Variants in SULT2B1 observed in about 807,000 individuals in gnomAD.
The protein encoded by SULT2B1 is sulfotransferase family 2B member 1, also known as sulfotransferase 2B1.
Under a neutral mutation model 33.2 loss-of-function variants are expected in SULT2B1, and 16 were observed. The ratio of observed to expected loss-of-function variants is 0.48; its 90% CI spans 0.33 to 0.73. SULT2B1 has a LOEUF of 0.73. Ranked by LOEUF, SULT2B1 falls within the 30% of genes least tolerant of loss-of-function variation. The pLI, the probability that SULT2B1 is intolerant of heterozygous loss-of-function variation, is 0.02. For synonymous variants in SULT2B1, 186 were observed against 200.5 expected, an observed-to-expected ratio of 0.93 and a Z score of 0.61; for missense variants, 500 against 506.0, an observed-to-expected ratio of 0.99 and a Z score of 0.11.
intron 3 of SULT2B1, among the ~76,000 whole-genome samples, chr19:48,590,919 G>A (rs751761144): frequency 9.9e-5 from 15 of 151,756 alleles, no homozygotes; most frequent in Non-Finnish European, 7.4e-5. Flanking sequence ...CTGCAGCCTC[G>A]ACCTCCCGGG....
intron 1 of SULT2B1, among the ~76,000 whole-genome samples, chr19:48,562,675 CTTTA>C (rs928042784): frequency 1.7e-4 from 26 of 151,760 alleles, no homozygotes; most frequent in South Asian, 4.2e-4. Context: ...TTTATATAGA[CTTTA>C]TTTATTTATT....
intron 5 of SULT2B1, among the ~76,000 whole-genome samples, chr19:48,594,589 G>C (rs1973685932): frequency 6.6e-6 from 1 of 152,220 alleles, no homozygotes; most frequent in Admixed American, 6.5e-5. Flanking sequence ...CCACATGTTA[G>C]AATTTCTGGG....
chr19:48,561,152 C>G (rs114504712), intron 1 of SULT2B1, among the ~76,000 whole-genome samples: 1 of 143,708 alleles, frequency 7.0e-6, no homozygotes, highest in Non-Finnish European at 1.5e-5. Context: ...AATTCGGGCC[C>G]GGTGTGGTGG....
At chr19:48,578,221 GAA>G (rs1973439885) in intron 2 of SULT2B1, among the ~76,000 whole-genome samples, 2 of 151,938 alleles carry the variant, frequency 1.3e-5, no homozygotes, top group African/African-American at 4.8e-5. Context: ...TCAACAAATA[GAA>G]AAAGGTACAA....
intron 1 of SULT2B1, among the ~76,000 whole-genome samples, chr19:48,553,598 C>T (rs11880900): frequency 6.6e-6 from 1 of 152,004 alleles, no homozygotes; most frequent in Non-Finnish European, 1.5e-5. Flanking sequence ...CAGGCGTGGG[C>T]CACCACGCCT....
At chr19:48,562,255 G>T (rs1568403475) in intron 1 of SULT2B1, among the ~76,000 whole-genome samples, 1 of 152,140 alleles carries the variant, frequency 6.6e-6, no homozygotes, top group Non-Finnish European at 1.5e-5. Context: ...AGGCGTGGTG[G>T]CACATGCCTG....
intron 6 of SULT2B1, among the ~76,000 whole-genome samples, chr19:48,598,507 G>A (rs946347404): frequency 2.6e-5 from 4 of 151,978 alleles, no homozygotes; most frequent in African/African-American, 9.7e-5. Flanking sequence ...CAGGAGAATC[G>A]CTTGAATCGG....
At chr19:48,598,303 A>G (rs2147633199) in intron 6 of SULT2B1, among the ~76,000 whole-genome samples, 2 of 152,184 alleles carry the variant, frequency 1.3e-5, no homozygotes, top group South Asian at 4.1e-4. Flanking sequence ...GAGAAAACTG[A>G]GGCTTGGGAG....
chr19:48,552,270 G>A lies in SULT2B1; in HGVS notation c.18G>A (p.Glu6=), dbSNP rs748161713. ...CACCTGCCATGGACGGGCCCGCCGA[G>A]CCCCAGATCCCGGGCTTGTGGGACA... is the stretch of plus-strand genomic sequence containing the variant. MDGPA[E]PQIPGLWDTY... The change falls in exon 1 of 7, where the codon GAG becomes GAA. Residue 6 remains glutamate, a synonymous_variant. Coordinates refer to ENST00000201586, the MANE Select transcript of SULT2B1 (RefSeq NM_177973.2). The surrounding 1 kb of genome is among the most constrained non-coding windows in gnomAD (Gnocchi z 4.8). 2.3e-5 allele frequency: 37 copies of A among 1,613,848 alleles called. No individual in the cohort carries two copies. In the Middle Eastern group the frequency reaches 8.2e-4, roughly 36 times the overall value.
intron 4 of SULT2B1, among the ~76,000 whole-genome samples, chr19:48,592,098 C>G (rs1187876686): frequency 2.0e-5 from 3 of 151,938 alleles, no homozygotes; most frequent in Non-Finnish European, 4.4e-5. Context: ...TTGAGACCAT[C>G]CTGGCTAACA....
At chr19:48,570,230 A>T (rs1389751717) in intron 1 of SULT2B1, among the ~76,000 whole-genome samples, 3 of 147,554 alleles carry the variant, frequency 2.0e-5, no homozygotes, top group African/African-American at 7.5e-5. Context: ...CCCAGGCTGG[A>T]GTGCAATGGC....
intron 1 of SULT2B1, among the ~76,000 whole-genome samples, chr19:48,553,818 G>C (rs1000766989): frequency 6.6e-6 from 1 of 152,176 alleles, no homozygotes; most frequent in African/African-American, 2.4e-5. Flanking sequence ...CTGCGTGAGG[G>C]AGGCCCCAGC....
intron 2 of SULT2B1, 70 bp from the exon 3 acceptor site, chr19:48,587,159 G>C: frequency 8.7e-7 from 1 of 1,153,410 alleles, no homozygotes; most frequent in Non-Finnish European, 1.2e-6. Flanking sequence ...GTGCTGTTGT[G>C]ATTATTCTGA....
rs1973401682 is a variant in SULT2B1 at position 48,576,069 on chromosome 19, C to G, written c.200C>G (p.Thr67Ser). The G allele has an allele frequency of 6.2e-7, 1 of 1,611,996 alleles. No homozygotes were observed. ...CGGGACGACGACATCTTTATCATCACCTACCCCAAGTCAGGTACCTGCCGG... is the reference window on the plus strand; with the variant it reads ...CGGGACGACGACATCTTTATCATCAGCTACCCCAAGTCAGGTACCTGCCGG... The part of the protein sequence containing the change: ...DVRDDDIFII[T>S]YPKSGTTWMI... Residue 67 changes from threonine to serine, a missense_variant, in exon 2 of 7, where the codon ACC becomes AGC. Physicochemically the swap from Thr to Ser is moderately conservative, Grantham distance 58. Coordinates refer to ENST00000201586, the MANE Select transcript of SULT2B1 (RefSeq NM_177973.2).
chr19:48,576,353 A>ATTTTTTTTTT (rs1973406323), intron 2 of SULT2B1, among the ~76,000 whole-genome samples: 1 of 21,384 alleles, frequency 4.7e-5, no homozygotes, highest in Non-Finnish European at 1.0e-4. Flanking sequence ...TTTACCCTCT[A>ATTTTTTTTTT]CTTCTCTTTT....
intron 2 of SULT2B1, among the ~76,000 whole-genome samples, chr19:48,577,028 A>ATTTTTTTTT (rs71179012): frequency 7.5e-5 from 7 of 92,942 alleles, no homozygotes; most frequent in African/African-American, 2.3e-4. Context: ...ACCCCCCTCT[A>ATTTTTTTTT]TTTTTTTTTT....
rs757500882 is a variant in SULT2B1 at position 48,596,856 on chromosome 19, T to G, written c.763T>G (p.Ser255Ala). Residue 255 changes from serine to alanine, a missense_variant, in exon 6 of 7, where the codon TCC becomes GCC. Ser to Ala is a moderately conservative substitution (Grantham distance 99, BLOSUM62 1). Transcript: ENST00000201586. ...CAGCGCCATGAAGGCCAACACCATG[T>G]CCAACTACACGCTGCTGCCTCCCAG... ...TFSAMKANTM[S>A]NYTLLPPSLL... The G allele has an allele frequency of 6.2e-7, 1 of 1,609,076 alleles. No individual in the cohort carries two copies. The highest frequency in any genetic ancestry group is 1.7e-5 in the Admixed American group (1 of 59,926).
Position 48,591,707 on chromosome 19 carries a change from G to C in SULT2B1, c.522G>C (p.Gln174His), listed in dbSNP as rs750020063. 4 of 1,608,514 alleles carry C rather than the reference G, an allele frequency of 2.5e-6. No individual in the cohort carries two copies. Among genetic ancestry groups the C allele is most frequent in the Middle Eastern group, 1.6e-4 (1 of 6,070 alleles). Reference sequence around the variant, plus strand: ...TAAAGGACCCGGGCACACCCGACCAGTTCCTGAGGGACTTCCTCAAAGGCG... The same window carrying C: ...TAAAGGACCCGGGCACACCCGACCACTTCCTGAGGGACTTCCTCAAAGGCG... Reference protein sequence around the residue: ...GQLKDPGTPDQFLRDFLKGEV... With the variant: ...GQLKDPGTPDHFLRDFLKGEV... The change falls in exon 4 of 7, where the codon CAG (glutamine) becomes CAC (histidine). Residue 174 changes from glutamine to histidine, a missense_variant. Physicochemically the swap from Gln to His is conservative, Grantham distance 24. Transcript: ENST00000201586.
At chr19:48,591,788 C>A in intron 4 of SULT2B1, 53 bp downstream of exon 4, 1 of 1,510,432 alleles carries the variant, frequency 6.6e-7, no homozygotes, top group Non-Finnish European at 8.9e-7. Context: ...CCCAGAGGAC[C>A]CTGATGGGCA....
Sources: allele counts gnomAD v4.1 joint callset (sites outside exome capture counted in the v4.1 genomes callset), GRCh38; gene constraint gnomAD v4.1.1; non-coding constraint Gnocchi (gnomAD v3.1); transcripts MANE v1.5; gene names NCBI Gene and HGNC (gene_info 2026-07-23, HGNC 2026-07-21).